ALX3: variants seen among roughly 807,000 people sequenced by gnomAD.
ALX3 encodes homeobox protein aristaless-like 3.
ALX3 carries 17 observed loss-of-function variants against 26.3 expected under a neutral mutation model. That is an observed-to-expected ratio of 0.65 (90% CI 0.44 to 0.97). ALX3 has a LOEUF of 0.97. Ranked by LOEUF, ALX3 falls within the 50% of genes least tolerant of loss-of-function variation. ALX3 has a pLI of 0.00. For missense variants in ALX3, 461 were observed against 466.5 expected (o/e 0.99, Z 0.11); for synonymous variants, 208 against 201.4 (o/e 1.03, Z -0.28).
chr1:110,070,244 C>G, intron 1 of ALX3, 92 bp downstream of exon 1: 2 of 1,235,148 alleles, frequency 1.6e-6, no homozygotes, highest in Non-Finnish European at 2.0e-6. Flanking sequence ...AATAGGCGAG[C>G]GGGAGAGATA....
intron 2 of ALX3, among the ~76,000 whole-genome samples, chr1:110,063,210 C>A (rs540046130): frequency 1.3e-5 from 2 of 152,316 alleles, no homozygotes; most frequent in East Asian, 3.9e-4. Context: ...CAAACACTTG[C>A]TTTGGGAAGA....
chr1:110,068,404 C>A (rs1218595492), intron 1 of ALX3, among the ~76,000 whole-genome samples: 1 of 152,202 alleles, frequency 6.6e-6, no homozygotes, highest in African/African-American at 2.4e-5. Context: ...GTCCGCTCTG[C>A]CGCAGGGACG....
At chr1:110,070,199 C>T in intron 1 of ALX3, 137 bp downstream of exon 1, 1 of 1,009,184 alleles carries the variant, frequency 9.9e-7, no homozygotes, top group Non-Finnish European at 1.3e-6. Flanking sequence ...TCCGTGGAAG[C>T]CGTGGCGAAA....
At chr1:110,067,818 C>T (rs929817510) in intron 1 of ALX3, among the ~76,000 whole-genome samples, 37 of 152,256 alleles carry the variant, frequency 2.4e-4, no homozygotes, top group African/African-American at 8.9e-4. Context: ...GGGCAGGACC[C>T]CGGTGAGGCC....
intron 2 of ALX3, chr1:110,062,645 G>GTGTGCGCGCGCGCGCGCGCGC (rs57279963): frequency 7.6e-6 from 1 of 132,300 alleles, no homozygotes; most frequent in African/African-American, 2.8e-5. Flanking sequence ...GTGTGTGTGT[G>GTGTGCGCGCGCGCGCGCGCGC]GAGTAATCCG....
intron 2 of ALX3, chr1:110,062,268 C>T (rs1252367275): frequency 1.3e-5 from 2 of 152,620 alleles, no homozygotes; most frequent in Non-Finnish European, 2.9e-5. Context: ...TCCAAAATAC[C>T]CTGGACCTCT....
rs57279963 is a variant in ALX3, at chr1:110,062,645, G to GTGTGTGTGT, written c.595-1083_595-1082insACACACACA. ...TGTGTGTGTGTGTGTGTGTGTGTGT[G>GTGTGTGTGT]GAGTAATCCGTCTACCCCAGCTGGG... On this transcript the variant is annotated intron_variant, in intron 2 of 3. Coordinates refer to ENST00000647563, the MANE Select transcript of ALX3 (RefSeq NM_006492.3). The GTGTGTGTGT allele has an allele frequency of 3.5e-3, 466 of 132,352 alleles. 16 individuals are homozygous for GTGTGTGTGT. The highest frequency in any genetic ancestry group is 6.0e-3 in the African/African-American group (214 of 35,512). 8.2% of individuals were successfully genotyped at this position (132,352 alleles called of 1,614,324 possible).
chr1:110,070,210 G>A, intron 1 of ALX3, 126 bp downstream of exon 1: 1 of 1,104,682 alleles, frequency 9.1e-7, no homozygotes. Flanking sequence ...CGTGGCGAAA[G>A]GCGAGAGGGG....
Position 110,060,564 on chromosome 1 carries a change from C to T in ALX3, c.*169G>A. ...AGCCCCTTCTCCTAGGCAGCCCCAC[C>T]TTGTTCTAAGAGAAAAGACCCTGTA... On this transcript the variant is annotated 3_prime_UTR_variant, in exon 4 of 4. Coordinates refer to ENST00000647563, the MANE Select transcript of ALX3 (RefSeq NM_006492.3). The T allele has an allele frequency of 2.1e-6, 1 of 467,532 alleles. No individual in the cohort carries two copies. The highest frequency in any genetic ancestry group is 4.7e-5 in the East Asian group (1 of 21,304). 29.0% of individuals were successfully genotyped at this position (467,532 alleles called of 1,614,324 possible). A position where few individuals can be genotyped will look rare whatever the true frequency, so the allele number is the denominator to read the frequency against.
chr1:110,061,053 G>C lies in ALX3; in HGVS notation c.724-12C>G. 6.3e-7 allele frequency: 1 copy of C among 1,599,164 alleles called. No individual in the cohort carries two copies. The highest frequency in any genetic ancestry group is 1.1e-5 in the South Asian group (1 of 89,012). On this transcript the variant is annotated splice_polypyrimidine_tract_variant and intron_variant, in intron 3 of 3. Coordinates refer to ENST00000647563, the MANE Select transcript of ALX3 (RefSeq NM_006492.3). ...AGGGAGTTCTGCAGCTGAAAAGAGA[G>C]GGAAAGAAGGCCCATGAGCCTGTAG...
chr1:110,066,572 T>TG (rs1553196608), intron 1 of ALX3, among the ~76,000 whole-genome samples: 1 of 72,590 alleles, frequency 1.4e-5, no homozygotes, highest in African/African-American at 5.4e-5. Context: ...GAATGGGACA[T>TG]CCCCCCCCCC....
rs1286337278 is a variant in ALX3 at position 110,064,720 on chromosome 1, C to G, written c.461G>C (p.Arg154Pro). ...MELAKNKSKK[R>P]RNRTTFSTFQ... ...TGTGCTGAAGGTCGTGCGGTTACGA[C>G]GCTTCTTGCTCTTGTTCTTGGCCAA... is the stretch of plus-strand genomic sequence containing the variant. The change falls in exon 2 of 4, where the codon CGT (arginine) becomes CCT (proline). Residue 154 changes from arginine (R) to proline (P), a missense_variant. This residue lies in a region of ALX3 where 51 missense variants were observed against 82.4 expected (regional missense o/e 0.62). Coordinates refer to ENST00000647563, the MANE Select transcript of ALX3 (RefSeq NM_006492.3). 6.2e-7 allele frequency: 1 copy of G among 1,614,252 alleles called. No homozygotes were observed. The highest frequency in any genetic ancestry group is 1.7e-5 in the Admixed American group (1 of 60,036).
In ALX3 at chr1:110,070,506, G is replaced by A; in HGVS notation, c.107C>T (p.Pro36Leu). Residue 36 changes from proline to leucine, a missense_variant, in exon 1 of 4, where the codon CCT (proline) becomes CTT (leucine). By Grantham distance (98) the Pro-to-Leu change is moderately conservative. Around this residue, in one of 3 missense-constraint regions of ALX3, gnomAD observed 241 missense variants for 206.1 expected, o/e 1.17. Transcript: ENST00000647563. Reference protein sequence around the residue: ...PGPQGTPAAAPHLHPAPPRGP... With the variant: ...PGPQGTPAAALHLHPAPPRGP... ...GCGGGGCGGCGCGGGGTGCAGGTGA[G>A]GCGCAGCGGCGGGGGTTCCCTGCGG... The A allele has an allele frequency of 7.8e-7, 1 of 1,280,592 alleles. No homozygotes were observed. Among genetic ancestry groups the A allele is most frequent in the Non-Finnish European group, 9.9e-7 (1 of 1,014,294 alleles). 79.3% of individuals were successfully genotyped at this position (1,280,592 alleles called of 1,614,324 possible).
rs752692366 is a variant in ALX3 at position 110,064,895 on chromosome 1, TCTC to T, written c.283_285del (p.Glu95del). The T allele has an allele frequency of 2.9e-5, 46 of 1,606,364 alleles. No homozygotes were observed. In the East Asian group the frequency reaches 2.9e-4, roughly 10 times the overall value. On this transcript the variant is annotated inframe_deletion, in exon 2 of 4. Transcript: ENST00000647563. ...GGGAAGCTGGCAGCTTTGGAGGTCT[TCTC>T]CTCAGCTGCAATGGAGAACACAAAA... is the stretch of plus-strand genomic sequence containing the variant.
chr1:110,061,140 T>A, intron 3 of ALX3, 99 bp from the exon 4 acceptor site: 2 of 1,376,922 alleles, frequency 1.5e-6, no homozygotes, highest in South Asian at 2.5e-5. Flanking sequence ...CCAGAAACTT[T>A]CCAGGAAACC....
rs752170553 is a variant in ALX3, at chr1:110,061,003, G to T, written c.762C>A (p.Ser254Arg). 4 of 1,611,408 alleles carry T rather than the reference G, an allele frequency of 2.5e-6. No homozygotes were observed. The highest frequency in any genetic ancestry group is 3.3e-5 in the Admixed American group (2 of 59,712). Reference sequence around the variant, plus strand: ...GAGACACAAGGCAGGGGCCTCCAGGGCTCCCAGATCCTGGACTGGCCCACA... The same window carrying T: ...GAGACACAAGGCAGGGGCCTCCAGGTCTCCCAGATCCTGGACTGGCCCACA... ...NSLWASPGSG[S>R]PGGPCLVSPE... The change falls in exon 4 of 4, where the codon AGC becomes AGA. Residue 254 changes from serine (S) to arginine (R), a missense_variant. Ser to Arg is a moderately radical substitution (Grantham distance 110, BLOSUM62 -1). Coordinates refer to ENST00000647563, the MANE Select transcript of ALX3 (RefSeq NM_006492.3).
At chr1:110,062,645 G>GCGCGCGCGCGC (rs57279963) in intron 2 of ALX3, 2 of 132,300 alleles carry the variant, frequency 1.5e-5, no homozygotes, top group African/African-American at 5.6e-5. Flanking sequence ...GTGTGTGTGT[G>GCGCGCGCGCGC]GAGTAATCCG....
intron 2 of ALX3, among the ~76,000 whole-genome samples, chr1:110,063,973 T>C (rs1653718424): frequency 6.6e-6 from 1 of 151,854 alleles, no homozygotes; most frequent in South Asian, 2.1e-4. Context: ...GCACCTGATC[T>C]CCATGGGGGA....
Position 110,061,572 on chromosome 1 carries a change from A to G in ALX3, c.595-9T>C. 1 of 1,614,034 alleles carries G rather than the reference A, an allele frequency of 6.2e-7. No individual in the cohort carries two copies. Among genetic ancestry groups the G allele is most frequent in the Non-Finnish European group, 8.5e-7 (1 of 1,179,992 alleles). On this transcript the variant is annotated splice_polypyrimidine_tract_variant and intron_variant, in intron 2 of 3. Coordinates refer to ENST00000647563, the MANE Select transcript of ALX3 (RefSeq NM_006492.3). ...CGGTTCTGGAACCAGACCTGGGGGC[A>G]GGTTGTGGGGGTTTGAGGGGGTGAT...
Sources: allele counts gnomAD v4.1 joint callset (sites outside exome capture counted in the v4.1 genomes callset), GRCh38; gene constraint gnomAD v4.1.1; regional missense constraint gnomAD v4.1.1; transcripts MANE v1.5; gene names NCBI Gene and HGNC (gene_info 2026-07-23, HGNC 2026-07-21).